SBSPON: variants seen among roughly 807,000 people sequenced by gnomAD.
SBSPON encodes somatomedin-B and thrombospondin type-1 domain-containing protein.
In SBSPON, 30 loss-of-function variants were observed where a neutral mutation model predicts 35.8. The ratio of observed to expected loss-of-function variants is 0.84; its 90% confidence interval spans 0.63 to 1.14. The LOEUF (loss-of-function observed/expected upper bound fraction) is 1.14, where lower values mean the gene tolerates loss of function less well. Among genes scored for constraint, SBSPON ranks in the 50% most tolerant of loss-of-function variants. The probability of loss-of-function intolerance (pLI) is 0.00; values close to 1 mark genes in which losing one functional copy is unlikely to be tolerated. For missense variants in SBSPON, 364 were observed against 357.7 expected, an observed-to-expected ratio of 1.02 and a Z score of -0.14; for synonymous variants, 136 against 135.9, an observed-to-expected ratio of 1.00 and a Z score of 0.00.
intron 2 of SBSPON, among the ~76,000 whole-genome samples, chr8:73,079,315 T>TC (rs935524711): frequency 4.0e-5 from 6 of 151,766 alleles, no homozygotes; most frequent in African/African-American, 1.2e-4. Flanking sequence ...AATCTCCCTC[T>TC]CCCCCAGGAG....
In SBSPON at chr8:73,064,783, C is replaced by T. The variant is rs939248842; in HGVS notation, c.*2558G>A. ...TCCTTCACTTGTTTTTCACTTTTCT[C>T]TTCAAAAATGGCCATTATCCCTTGC... On this transcript the variant is annotated 3_prime_UTR_variant, in exon 5 of 5. Transcript: ENST00000297354. 1 of 151,972 alleles carries T rather than the reference C, an allele frequency of 6.6e-6. No homozygotes were observed. Among genetic ancestry groups the T allele is most frequent in the Admixed American group, 6.6e-5 (1 of 15,256 alleles). 9.4% of individuals were successfully genotyped at this position (151,972 alleles called of 1,614,324 possible). A position where few individuals can be genotyped will look rare whatever the true frequency, so the allele number is the denominator to read the frequency against.
intron 1 of SBSPON, among the ~76,000 whole-genome samples, chr8:73,083,258 A>G (rs575887976): frequency 6.6e-6 from 1 of 152,354 alleles, no homozygotes; most frequent in African/African-American, 2.4e-5. Flanking sequence ...CCATGATTTT[A>G]AAAGCTCCAT....
In SBSPON at chr8:73,085,429, T is replaced by TG. The variant is rs1386320587; in HGVS notation, c.215-4217dup. ...CTCACTCAAGAATTTCAGAATATGG[T>TG]GAAAAAAAAAAAAATCCATGCTTAC... On this transcript the variant is annotated intron_variant, in intron 1 of 4. Coordinates refer to ENST00000297354, the MANE Select transcript of SBSPON (RefSeq NM_153225.4). The TG allele has an allele frequency of 8.9e-5, 12 of 134,542 alleles. No homozygotes were observed. The East Asian group carries it at 2.0e-3, about 23-fold the overall frequency. 8.3% of individuals were successfully genotyped at this position (134,542 alleles called of 1,614,324 possible). A position where few individuals can be genotyped will look rare whatever the true frequency, so the allele number is the denominator to read the frequency against.
intron 2 of SBSPON, among the ~76,000 whole-genome samples, chr8:73,078,125 A>C (rs1277983201): frequency 1.3e-5 from 2 of 152,156 alleles, no homozygotes; most frequent in Non-Finnish European, 2.9e-5. Context: ...AGCCCCTGGA[A>C]GCCTTGCTAG....
intron 2 of SBSPON, among the ~76,000 whole-genome samples, chr8:73,078,161 A>G (rs1810628731): frequency 6.6e-6 from 1 of 152,120 alleles, no homozygotes; most frequent in African/African-American, 2.4e-5. Context: ...GCCCACATGC[A>G]GGGATTATGA....
chr8:73,091,375 G>T (rs573633927), intron 1 of SBSPON, among the ~76,000 whole-genome samples: 1 of 152,312 alleles, frequency 6.6e-6, no homozygotes, highest in South Asian at 2.1e-4. Context: ...GCTTGCACAG[G>T]TTGCCCAGCT....
intron 2 of SBSPON, among the ~76,000 whole-genome samples, chr8:73,075,086 T>C (rs1330807414): frequency 6.6e-6 from 1 of 152,196 alleles, no homozygotes; most frequent in African/African-American, 2.4e-5. Flanking sequence ...CACTCTGTTT[T>C]CCAGGCTGGT....
Position 73,093,142 on chromosome 8 carries a change from C to G in SBSPON, c.-75G>C, listed in dbSNP as rs566619345. ...GCTCTGATCCTCGGCTGGCCGCGGCCCGGGAGCTGCCCGAGCGGCCGGCGA... is the reference window on the plus strand; with the variant it reads ...GCTCTGATCCTCGGCTGGCCGCGGCGCGGGAGCTGCCCGAGCGGCCGGCGA... On this transcript the variant is annotated 5_prime_UTR_variant, in exon 1 of 5. Coordinates refer to ENST00000297354, the MANE Select transcript of SBSPON (RefSeq NM_153225.4). 2.2e-4 allele frequency: 169 copies of G among 782,422 alleles called. No homozygotes were observed. In the African/African-American group the frequency reaches 2.6e-3, roughly 12 times the overall value. 48.5% of individuals were successfully genotyped at this position (782,422 alleles called of 1,614,324 possible). A position where few individuals can be genotyped will look rare whatever the true frequency, so the allele number is the denominator to read the frequency against.
chr8:73,074,481 A>G, intron 2 of SBSPON: 5 of 429,970 alleles, frequency 1.2e-5, no homozygotes, highest in Non-Finnish European at 1.5e-5. Context: ...CAAGAAAATT[A>G]TGGCACAGAG....
chr8:73,066,756 T>C lies in SBSPON; in HGVS notation c.*585A>G, dbSNP rs1810393614. ...AAAAAAAAATTTCTTCTTCAAAAAA[T>C]GTTTTTAGTATAACTTGGTTTTTCA... is the stretch of plus-strand genomic sequence containing the variant. On this transcript the variant is annotated 3_prime_UTR_variant, in exon 5 of 5. Coordinates refer to ENST00000297354, the MANE Select transcript of SBSPON (RefSeq NM_153225.4). 6.6e-6 allele frequency: 1 copy of C among 152,228 alleles called. No individual in the cohort carries two copies. Among genetic ancestry groups the C allele is most frequent in the Admixed American group, 6.5e-5 (1 of 15,282 alleles). The allele number at this position is 152,228 out of a possible 1,614,324, so 9.4% of individuals were successfully genotyped here.
chr8:73,092,819 ACGGCCGG>A, intron 1 of SBSPON, 28 bp downstream of exon 1: 1 of 1,559,562 alleles, frequency 6.4e-7, no homozygotes, highest in East Asian at 2.3e-5. Context: ...TTGCAGGCTA[ACGGCCGG>A]CGCCCCACTC....
intron 1 of SBSPON, 44 bp from the exon 2 acceptor site, chr8:73,081,257 C>T (rs1181271441): frequency 6.8e-7 from 1 of 1,465,916 alleles, no homozygotes. Context: ...TAAATCCCGC[C>T]AGGCTGGCAG....
At chr8:73,086,651 T>G (rs1417011459) in intron 1 of SBSPON, among the ~76,000 whole-genome samples, 1 of 109,354 alleles carries the variant, frequency 9.1e-6, no homozygotes, top group African/African-American at 3.7e-5. Flanking sequence ...AGGGGTTTTT[T>G]TTCCTTTTGA....
chr8:73,086,094 C>T (rs907897782), intron 1 of SBSPON, among the ~76,000 whole-genome samples: 1 of 152,120 alleles, frequency 6.6e-6, no homozygotes, highest in Non-Finnish European at 1.5e-5. Flanking sequence ...TAAAACAGCC[C>T]TATTATCCCC....
In SBSPON at chr8:73,065,461, GTTTA is replaced by G. The variant is rs1439434119; in HGVS notation, c.*1876_*1879del. The G allele has an allele frequency of 1.3e-5, 2 of 152,168 alleles. No individual in the cohort carries two copies. The highest frequency in any genetic ancestry group is 4.8e-5 in the African/African-American group (2 of 41,528). The allele number at this position is 152,168 out of a possible 1,614,324, so 9.4% of individuals were successfully genotyped here. On this transcript the variant is annotated 3_prime_UTR_variant, in exon 5 of 5. Transcript: ENST00000297354. ...GAGCTTTTATAAATGTGAACAAAAA[GTTTA>G]TTTACTAGTATAAAAATTTTAAGTA...
chr8:73,064,960 A>T lies in SBSPON; in HGVS notation c.*2381T>A, dbSNP rs1488485727. On this transcript the variant is annotated 3_prime_UTR_variant, in exon 5 of 5. Coordinates refer to ENST00000297354, the MANE Select transcript of SBSPON (RefSeq NM_153225.4). Reference sequence around the variant, plus strand: ...GGGCCCTAAGACTAAGGTACTTATTAAAAAAGAGTGCCAAGAGGTCTTATA... The same window carrying T: ...GGGCCCTAAGACTAAGGTACTTATTTAAAAAGAGTGCCAAGAGGTCTTATA... The T allele has an allele frequency of 6.6e-6, 1 of 152,170 alleles. No homozygotes were observed. The highest frequency in any genetic ancestry group is 2.4e-5 in the African/African-American group (1 of 41,446). 9.4% of individuals were successfully genotyped at this position (152,170 alleles called of 1,614,324 possible). A position where few individuals can be genotyped will look rare whatever the true frequency, so the allele number is the denominator to read the frequency against.
chr8:73,089,390 C>T lies in SBSPON; in HGVS notation c.214+3464G>A, dbSNP rs966055947. Among the ~76,000 whole-genome samples, 3 of 152,158 alleles carry T rather than the reference C, an allele frequency of 2.0e-5. No individual in the cohort carries two copies. In the South Asian group the frequency reaches 6.2e-4, roughly 32 times the overall value. On this transcript the variant is annotated intron_variant, in intron 1 of 4. Transcript: ENST00000297354. ...CCAACATGGTGAAAACTTGTTTCTA[C>T]TTAAATTACAAAAAAATTAGCCGGG...
chr8:73,083,075 T>C (rs1159397164), intron 1 of SBSPON, among the ~76,000 whole-genome samples: 1 of 152,198 alleles, frequency 6.6e-6, no homozygotes. Context: ...CTGACTGAAC[T>C]TAGCCTCCCA....
chr8:73,069,619 G>A (rs1037827366), intron 4 of SBSPON, among the ~76,000 whole-genome samples, 186 bp downstream of exon 4: 6 of 152,112 alleles, frequency 3.9e-5, no homozygotes, highest in African/African-American at 1.2e-4. Flanking sequence ...AGGGCCTGTG[G>A]GTTCCATAGT....
Sources: allele counts gnomAD v4.1 joint callset (sites outside exome capture counted in the v4.1 genomes callset), GRCh38; gene constraint gnomAD v4.1.1; transcripts MANE v1.5; gene names NCBI Gene and HGNC (gene_info 2026-07-23, HGNC 2026-07-21).